Variants in IFT56 observed in about 807,000 individuals in gnomAD.
IFT56 encodes intraflagellar transport 56.
At chr7:139,163,872 G>A in the IFT56 span, among the ~76,000 whole-genome samples, 4 of 152,158 alleles carry the variant, frequency 2.6e-5, no homozygotes, top group African/African-American at 4.8e-5. Flanking sequence ...TAGATATTTC[G>A]GGGTCGAGAG....
the IFT56 span, among the ~76,000 whole-genome samples, chr7:139,163,900 A>G: frequency 6.6e-6 from 1 of 152,244 alleles, no homozygotes; most frequent in Admixed American, 6.5e-5. Flanking sequence ...TTTGTAGTTC[A>G]TGCTGGATGA....
chr7:139,145,255 C>T, the IFT56 span, among the ~76,000 whole-genome samples: 3 of 151,812 alleles, frequency 2.0e-5, no homozygotes, highest in Non-Finnish European at 4.4e-5. Context: ...TCTTGAAGCT[C>T]GCTTAGTTTT....
chr7:139,173,459 C>T, the IFT56 span: 11 of 628,424 alleles, frequency 1.8e-5, no homozygotes, highest in Middle Eastern at 4.6e-4. Flanking sequence ...CAACTCCTGA[C>T]CTCAGGTGAT....
the IFT56 span, chr7:139,191,355 T>G: frequency 1.3e-5 from 2 of 152,314 alleles, no homozygotes; most frequent in South Asian, 2.1e-4. Context: ...ATTTTTAGAA[T>G]CACTCTTGTA....
At chr7:139,141,469 A>T in the IFT56 span, among the ~76,000 whole-genome samples, 1 of 152,142 alleles carries the variant, frequency 6.6e-6, no homozygotes, top group African/African-American at 2.4e-5. Context: ...TTTCATAGGT[A>T]CTAATGTAGT....
the IFT56 span, among the ~76,000 whole-genome samples, chr7:139,164,943 G>A: frequency 6.6e-6 from 1 of 152,048 alleles, no homozygotes; most frequent in Non-Finnish European, 1.5e-5. Context: ...GAGAAGGTAA[G>A]AAGCATAGGG....
At chr7:139,161,559 T>A in the IFT56 span, among the ~76,000 whole-genome samples, 1 of 152,242 alleles carries the variant, frequency 6.6e-6, no homozygotes, top group Non-Finnish European at 1.5e-5. Flanking sequence ...CTGCTCTCAA[T>A]TCAGATACCT....
At chr7:139,175,467 ACT>A in the IFT56 span, among the ~76,000 whole-genome samples, 1 of 152,170 alleles carries the variant, frequency 6.6e-6, no homozygotes, top group Non-Finnish European at 1.5e-5. Flanking sequence ...AATTGGAAGC[ACT>A]CTCAGCATCC....
At chr7:139,165,432 T>G in the IFT56 span, among the ~76,000 whole-genome samples, 1 of 152,070 alleles carries the variant, frequency 6.6e-6, no homozygotes, top group African/African-American at 2.4e-5. Flanking sequence ...CTTCCTACCT[T>G]CTCCCTCATT....
chr7:139,161,111 C>A, the IFT56 span: 3 of 1,190,954 alleles, frequency 2.5e-6, no homozygotes, highest in South Asian at 1.4e-5. Flanking sequence ...AAAGGAGATG[C>A]GCCAGCAAGT....
chr7:139,163,951 A>T, the IFT56 span, among the ~76,000 whole-genome samples: 104 of 152,378 alleles, frequency 6.8e-4, no homozygotes, highest in African/African-American at 2.5e-3. Context: ...AGTTTGCTAC[A>T]TTCCAGACAC....
the IFT56 span, among the ~76,000 whole-genome samples, chr7:139,177,620 G>GTGTGTA: frequency 6.6e-6 from 1 of 151,500 alleles, no homozygotes; most frequent in African/African-American, 2.4e-5. Flanking sequence ...TAGTGTGTGT[G>GTGTGTA]TGTGTGTGTG....
chr7:139,152,640 T>C, the IFT56 span, among the ~76,000 whole-genome samples: 1 of 152,212 alleles, frequency 6.6e-6, no homozygotes, highest in African/African-American at 2.4e-5. Context: ...GTTTCTAACA[T>C]TGGTGTCATG....
At chr7:139,187,983 T>A in the IFT56 span, among the ~76,000 whole-genome samples, 1 of 151,984 alleles carries the variant, frequency 6.6e-6, no homozygotes. Context: ...GGAGTAGATG[T>A]GGTTGATAAC....
the IFT56 span, among the ~76,000 whole-genome samples, chr7:139,146,456 CA>C: frequency 1.3e-5 from 2 of 152,002 alleles, no homozygotes; most frequent in East Asian, 1.9e-4. Context: ...TATTGTCTAC[CA>C]AGAAGAACGA....
chr7:139,137,864 GGAA>G, the IFT56 span: 16 of 1,612,998 alleles, frequency 9.9e-6, 1 homozygote, highest in African/African-American at 5.3e-5. Context: ...GTCATGTTGG[GGAA>G]GAAGAAGAGG....
At chr7:139,181,904 A>G in the IFT56 span, among the ~76,000 whole-genome samples, 1 of 152,248 alleles carries the variant, frequency 6.6e-6, no homozygotes, top group South Asian at 2.1e-4. Context: ...TATGAAGTAC[A>G]TGACTGGATT....
chr7:139,143,368 A>G, the IFT56 span, among the ~76,000 whole-genome samples: 1 of 152,168 alleles, frequency 6.6e-6, no homozygotes, highest in Non-Finnish European at 1.5e-5. Context: ...TTAAGTGCAC[A>G]CAAACTTAGA....
chr7:139,175,741 G>C, the IFT56 span, among the ~76,000 whole-genome samples: 1 of 152,086 alleles, frequency 6.6e-6, no homozygotes, highest in African/African-American at 2.4e-5. Flanking sequence ...AGCAGAGCCT[G>C]GGAAGGGTAG....
Sources: gnomAD v4.1 joint callset for allele counts (sites outside exome capture counted in the v4.1 genomes callset) on GRCh38, gnomAD v4.1.1 for gene constraint, MANE v1.5 for transcripts, NCBI Gene and HGNC (gene_info 2026-07-23, HGNC 2026-07-21) for gene names.